The following BEND3 variants were observed in gnomAD, a reference collection of about 807,000 sequenced individuals.
The protein encoded by BEND3 is BEN domain containing 3.
Under a neutral mutation model 60.1 loss-of-function variants are expected in BEND3, and 13 were observed. That is an observed-to-expected ratio of 0.22 (90% CI 0.14 to 0.34). The LOEUF is 0.34. Among genes scored for constraint, BEND3 ranks in the 10% least tolerant of loss-of-function variants. The pLI is 1.00. For synonymous variants in BEND3, 497 were observed against 491.5 expected (o/e 1.01, Z -0.15); for missense variants, 896 against 1,138.1 (o/e 0.79, Z 3.06).
chr6:107,076,396 G>C (rs937330555), intron 3 of BEND3, among the ~76,000 whole-genome samples: 1 of 152,134 alleles, frequency 6.6e-6, no homozygotes, highest in African/African-American at 2.4e-5. Context: ...TCTTGATCAG[G>C]GCGTTTCATT....
chr6:107,099,378 A>AC, intron 1 of BEND3, 82 bp from the exon 2 acceptor site: 1 of 1,174,554 alleles, frequency 8.5e-7, no homozygotes, highest in Non-Finnish European at 1.3e-6. Context: ...AAATCCTCTT[A>AC]CCCTCCCAAC....
At chr6:107,114,901 G>C (rs1770231063) in intron 1 of BEND3, among the ~76,000 whole-genome samples, 189 bp downstream of exon 1, 1 of 149,330 alleles carries the variant, frequency 6.7e-6, no homozygotes, top group African/African-American at 2.4e-5. Flanking sequence ...GCCCGCTCCG[G>C]TCGCTCGGCC....
intron 1 of BEND3, chr6:107,114,437 C>T (rs1345394058): frequency 6.6e-6 from 1 of 151,854 alleles, no homozygotes; most frequent in Non-Finnish European, 1.5e-5. Context: ...GCCCATCCCT[C>T]TCCGCTCCCG....
intron 3 of BEND3, 85 bp from the exon 4 acceptor site, chr6:107,071,035 G>C: frequency 7.6e-7 from 1 of 1,308,516 alleles, no homozygotes; most frequent in Non-Finnish European, 1.0e-6. Context: ...GCACACAGAG[G>C]CCGAGGTCAA....
At position 107,070,531 on chromosome 6, in the gene BEND3, G is replaced by A. The variant is rs782689901; in HGVS notation, c.660C>T (p.Leu220=). The change falls in exon 4 of 4, where the codon CTC becomes CTT. Residue 220 remains leucine (L), a synonymous_variant. Transcript: ENST00000369042. The surrounding 1 kb of genome is among the most constrained non-coding windows in gnomAD (Gnocchi z 6.9). ...MSQLHSKVDL[L]SLEVSRIKKQ... is the part of the protein sequence containing the mutation. ...TCTTGATGCGGCTCACCTCAAGGGA[G>A]AGCAGGTCCACCTTGCTGTGCAGCT... 70 of 1,613,640 alleles carry A rather than the reference G, an allele frequency of 4.3e-5. No individual in the cohort carries two copies. The highest frequency in any genetic ancestry group is 5.7e-5 in the Non-Finnish European group (67 of 1,180,048).
Position 107,070,838 on chromosome 6 carries a change from G to T in BEND3, c.353C>A (p.Pro118His). The T allele has an allele frequency of 1.2e-6, 2 of 1,613,872 alleles. No homozygotes were observed. Among genetic ancestry groups the T allele is most frequent in the Non-Finnish European group, 8.5e-7 (1 of 1,180,018 alleles). Reference sequence around the variant, plus strand: ...GGAAGGGGTGGTGGCATCGTTGCAGGGCTCCTCCTCTCCAGGCCACACATT... The same window carrying T: ...GGAAGGGGTGGTGGCATCGTTGCAGTGCTCCTCCTCTCCAGGCCACACATT... Reference protein sequence around the residue: ...LGNVWPGEEEPCNDATTPSYK... With the variant: ...LGNVWPGEEEHCNDATTPSYK... Residue 118 changes from proline to histidine, a missense_variant, in exon 4 of 4, where the codon CCC becomes CAC. Pro to His is a moderately conservative substitution (Grantham distance 77). This residue lies in a region of BEND3 where 846 missense variants were observed against 1,036.7 expected (regional missense o/e 0.82). Transcript: ENST00000369042. This position sits in a 1 kb window ranked among gnomAD's most constrained non-coding sequence, Gnocchi z 6.9.
In BEND3 at chr6:107,069,184, G is replaced by A. The variant is rs1774900830; in HGVS notation, c.2007C>T (p.Asp669=). The stretch of plus-strand genomic sequence containing the variant: ...CGGGGTTGATTGCATAGCTGGTCAA[G>A]TCTCTGCACTCAGGGCCCGGCACGT... ...KVHVPGPECR[D]LTSYAINPER... Residue 669 remains aspartate, a synonymous_variant, in exon 4 of 4, where the codon GAC becomes GAT. Transcript: ENST00000369042. 1 of 1,612,610 alleles carries A rather than the reference G, an allele frequency of 6.2e-7. No homozygotes were observed.
intron 1 of BEND3, chr6:107,106,290 G>A (rs1267981935): frequency 1.3e-5 from 2 of 152,124 alleles, no homozygotes; most frequent in African/African-American, 4.8e-5. Context: ...GGCGGGGGTG[G>A]GGTGATTTGT....
intron 1 of BEND3, among the ~76,000 whole-genome samples, chr6:107,111,830 A>G (rs1770101121): frequency 6.6e-6 from 1 of 151,814 alleles, no homozygotes; most frequent in Non-Finnish European, 1.5e-5. Flanking sequence ...AAAAATACAA[A>G]AATTAGATGG....
At chr6:107,109,547 T>C (rs1775896618) in intron 1 of BEND3, among the ~76,000 whole-genome samples, 1 of 151,596 alleles carries the variant, frequency 6.6e-6, no homozygotes. Flanking sequence ...GAGACCAGCC[T>C]GGGCAATACA....
intron 3 of BEND3, among the ~76,000 whole-genome samples, chr6:107,081,378 G>A (rs782348211): frequency 3.3e-5 from 5 of 151,572 alleles, no homozygotes; most frequent in African/African-American, 9.7e-5. Context: ...CCACCACTAC[G>A]CCTGGCTAAT....
At chr6:107,098,777 T>G (rs782701807) in intron 2 of BEND3, 24 bp from the exon 3 acceptor site, 2 of 1,605,022 alleles carry the variant, frequency 1.2e-6, no homozygotes, top group South Asian at 2.2e-5. Flanking sequence ...GAAATAGGGC[T>G]CAGTGGGAAA....
chr6:107,076,191 G>A lies in BEND3; in HGVS notation c.241-5241C>T, dbSNP rs563446648. 4.6e-5 allele frequency among the ~76,000 whole-genome samples: 7 copies of A among 152,320 alleles called. No individual in the cohort carries two copies. In the South Asian group the frequency reaches 1.5e-3, roughly 32 times the overall value. ...CCACAAATGCTGCCAAGGCGGCAAT[G>A]GGCTGGCTGCGTTTGTGGCTGATGA... On this transcript the variant is annotated intron_variant, in intron 3 of 3. Coordinates refer to ENST00000369042, the MANE Select transcript of BEND3 (RefSeq NM_001367314.1).
intron 1 of BEND3, among the ~76,000 whole-genome samples, chr6:107,109,645 G>C (rs190543563): frequency 6.6e-6 from 1 of 151,806 alleles, no homozygotes; most frequent in Non-Finnish European, 1.5e-5. Flanking sequence ...AGGCTGAGGC[G>C]GACGGATCAC....
chr6:107,099,021 A>C (rs908860733), intron 2 of BEND3, among the ~76,000 whole-genome samples: 1 of 152,182 alleles, frequency 6.6e-6, no homozygotes, highest in Non-Finnish European at 1.5e-5. Flanking sequence ...GGAAGGAGAG[A>C]CATAAAATAT....
chr6:107,102,370 G>C (rs1775720066), intron 1 of BEND3, among the ~76,000 whole-genome samples: 2 of 152,074 alleles, frequency 1.3e-5, no homozygotes, highest in African/African-American at 4.8e-5. Flanking sequence ...GCTATTTTCT[G>C]AACCACCACC....
At chr6:107,103,700 G>A (rs900938367) in intron 1 of BEND3, among the ~76,000 whole-genome samples, 4 of 152,194 alleles carry the variant, frequency 2.6e-5, no homozygotes, top group Non-Finnish European at 5.9e-5. Flanking sequence ...TGTAATCCCA[G>A]GACTTTGGGA....
At chr6:107,072,381 GCTGT>G (rs1775001456) in intron 3 of BEND3, among the ~76,000 whole-genome samples, 2 of 152,326 alleles carry the variant, frequency 1.3e-5, no homozygotes, top group African/African-American at 4.8e-5. Context: ...TGCTGTGGCT[GCTGT>G]CTATCCTCTC....
chr6:107,095,603 C>A (rs1554235856), intron 3 of BEND3, among the ~76,000 whole-genome samples: 1 of 152,114 alleles, frequency 6.6e-6, no homozygotes, highest in African/African-American at 2.4e-5. Context: ...ATGTTTATAG[C>A]AGCATTATTC....
Sources: allele counts gnomAD v4.1 joint callset (sites outside exome capture counted in the v4.1 genomes callset), GRCh38; gene constraint gnomAD v4.1.1; regional missense constraint gnomAD v4.1.1; non-coding constraint Gnocchi (gnomAD v3.1); transcripts MANE v1.5; gene names NCBI Gene and HGNC (gene_info 2026-07-23, HGNC 2026-07-21).